SUPT3H: variants seen among roughly 807,000 people sequenced by gnomAD.
SUPT3H encodes transcription initiation protein SPT3 homolog.
A neutral mutation model predicts 44.3 loss-of-function variants in SUPT3H; 44 were observed. That is an observed-to-expected ratio of 0.99 (90% CI 0.78 to 1.28). The LOEUF (loss-of-function observed/expected upper bound fraction) is 1.28, where lower values mean the gene tolerates loss of function less well. SUPT3H is among the 50% of genes most tolerant of loss of function. SUPT3H has a pLI of 0.00. For missense variants in SUPT3H, 380 were observed against 387.1 expected, an observed-to-expected ratio of 0.98 and a Z score of 0.15; for synonymous variants, 124 against 125.6, an observed-to-expected ratio of 0.99 and a Z score of 0.09.
intron 2 of SUPT3H, among the ~76,000 whole-genome samples, chr6:45,141,845 G>A (rs1021908966): frequency 8.5e-5 from 13 of 152,224 alleles, no homozygotes; most frequent in African/African-American, 2.4e-4. Context: ...GGAAAACTTC[G>A]CTAGTCTAGC....
At chr6:45,333,527 T>C (rs1164665839) in intron 2 of SUPT3H, among the ~76,000 whole-genome samples, 1 of 151,578 alleles carries the variant, frequency 6.6e-6, no homozygotes, top group African/African-American at 2.4e-5. Flanking sequence ...GTAAGCAACA[T>C]GTTATCAAAC....
At chr6:45,232,145 T>C (rs918901490) in intron 2 of SUPT3H, among the ~76,000 whole-genome samples, 12 of 152,232 alleles carry the variant, frequency 7.9e-5, no homozygotes, top group African/African-American at 2.2e-4. Flanking sequence ...TGTCCTAACA[T>C]TGATATCTGC....
Position 44,843,927 on chromosome 6 carries a change from G to GCACACA in SUPT3H, c.913-14076_913-14071dup, listed in dbSNP as rs56329630. Among the ~76,000 whole-genome samples the GCACACA allele has an allele frequency of 2.6e-4, 39 of 148,110 alleles. 1 individual carries two copies. Among genetic ancestry groups the GCACACA allele is most frequent in the African/African-American group, 8.3e-4 (33 of 39,834 alleles). ...CAAACACACACACACACACACACAC[G>GCACACA]CACACACACACACACACACACACAC... On this transcript the variant is annotated intron_variant, in intron 10 of 10. Coordinates refer to ENST00000371459, the MANE Select transcript of SUPT3H (RefSeq NM_003599.4).
chr6:44,986,248 T>C (rs551623529), intron 6 of SUPT3H, among the ~76,000 whole-genome samples: 36 of 152,320 alleles, frequency 2.4e-4, no homozygotes, highest in Admixed American at 6.5e-4. Context: ...ATTGCTTTCC[T>C]GGTACTTTTC....
At chr6:45,123,608 A>T (rs1488526469) in intron 2 of SUPT3H, among the ~76,000 whole-genome samples, 5 of 151,956 alleles carry the variant, frequency 3.3e-5, no homozygotes, top group African/African-American at 1.2e-4. Flanking sequence ...AACAAAGATT[A>T]TATATATATA....
At chr6:45,176,969 A>G (rs973199409) in intron 2 of SUPT3H, among the ~76,000 whole-genome samples, 6 of 152,230 alleles carry the variant, frequency 3.9e-5, no homozygotes, top group African/African-American at 1.4e-4. Context: ...AAGATGGGGA[A>G]AAAACAGAGC....
At chr6:45,353,705 G>T (rs111559445) in intron 2 of SUPT3H, among the ~76,000 whole-genome samples, 35 of 151,716 alleles carry the variant, frequency 2.3e-4, no homozygotes, top group African/African-American at 8.2e-4. Context: ...CAAAATCAAG[G>T]GTAGGACATT....
intron 2 of SUPT3H, among the ~76,000 whole-genome samples, chr6:45,203,269 G>A (rs1762705286): frequency 2.0e-5 from 3 of 152,150 alleles, no homozygotes; most frequent in South Asian, 4.1e-4. Context: ...GTTTATAAAC[G>A]GCATTAACAT....
At chr6:44,959,884 C>G (rs1227901171) in intron 7 of SUPT3H, among the ~76,000 whole-genome samples, 2 of 152,140 alleles carry the variant, frequency 1.3e-5, no homozygotes, top group Non-Finnish European at 2.9e-5. Context: ...GAGCATAACA[C>G]TCTGACGAGT....
chr6:45,275,580 A>G (rs1776885445), intron 2 of SUPT3H, among the ~76,000 whole-genome samples: 1 of 152,208 alleles, frequency 6.6e-6, no homozygotes, highest in Non-Finnish European at 1.5e-5. Context: ...GTGAAATGAC[A>G]GACTGATTCC....
intron 11 of SUPT3H, among the ~76,000 whole-genome samples, chr6:44,817,144 G>C (rs1310737026): frequency 6.7e-6 from 1 of 149,660 alleles, no homozygotes; most frequent in Non-Finnish European, 1.5e-5. Context: ...ACACACGGAG[G>C]TTAATACATC....
intron 11 of SUPT3H, among the ~76,000 whole-genome samples, chr6:44,814,699 C>CA (rs1450664018): frequency 6.6e-6 from 1 of 151,726 alleles, no homozygotes; most frequent in Non-Finnish European, 1.5e-5. Flanking sequence ...TTTTTTTAGA[C>CA]AGAGTCTCAT....
At chr6:45,167,754 A>G (rs972297471) in intron 2 of SUPT3H, among the ~76,000 whole-genome samples, 7 of 152,012 alleles carry the variant, frequency 4.6e-5, no homozygotes, top group South Asian at 2.1e-4. Context: ...AAACACAGCA[A>G]TATCTTCACT....
chr6:45,300,917 T>C (rs1291647662), intron 2 of SUPT3H, among the ~76,000 whole-genome samples: 1 of 152,132 alleles, frequency 6.6e-6, no homozygotes, highest in Non-Finnish European at 1.5e-5. Flanking sequence ...AACTGTGGGT[T>C]CAGCTAAAGA....
At chr6:45,221,892 C>A (rs944882791) in intron 2 of SUPT3H, among the ~76,000 whole-genome samples, 1 of 151,940 alleles carries the variant, frequency 6.6e-6, no homozygotes, top group African/African-American at 2.4e-5. Flanking sequence ...CATATAACTA[C>A]AACAATAAAT....
chr6:44,935,913 T>C (rs1302907044), intron 9 of SUPT3H, among the ~76,000 whole-genome samples: 2 of 152,226 alleles, frequency 1.3e-5, no homozygotes, highest in South Asian at 2.1e-4. Context: ...AGGGTTAGTG[T>C]CCTATCCTTT....
intron 3 of SUPT3H, among the ~76,000 whole-genome samples, chr6:45,022,201 T>C (rs982645939): frequency 1.3e-5 from 2 of 152,066 alleles, no homozygotes; most frequent in African/African-American, 4.8e-5. Flanking sequence ...AAAAACACTA[T>C]ACAGACACAT....
At chr6:45,345,751 C>A (rs1420556187) in intron 2 of SUPT3H, among the ~76,000 whole-genome samples, 1 of 152,182 alleles carries the variant, frequency 6.6e-6, no homozygotes, top group African/African-American at 2.4e-5. Flanking sequence ...TCAATGCACA[C>A]CGTACCTTTA....
At chr6:44,869,214 T>G (rs1378317108) in intron 10 of SUPT3H, among the ~76,000 whole-genome samples, 1 of 152,094 alleles carries the variant, frequency 6.6e-6, no homozygotes, top group African/African-American at 2.4e-5. Context: ...TTTTTTTTTC[T>G]TTGAAGACTG....
Sources: gnomAD v4.1 joint callset for allele counts (sites outside exome capture counted in the v4.1 genomes callset) on GRCh38, gnomAD v4.1.1 for gene constraint, MANE v1.5 for transcripts, NCBI Gene and HGNC (gene_info 2026-07-23, HGNC 2026-07-21) for gene names.